The following MYO5B variants were observed in gnomAD, a reference collection of about 807,000 sequenced individuals.
The protein encoded by MYO5B is myosin VB.
A neutral mutation model predicts 229.3 loss-of-function variants in MYO5B; 143 were observed. The observed-to-expected ratio is 0.62, with a 90% CI of 0.54 to 0.72. MYO5B has a LOEUF of 0.72. Ranked by LOEUF, MYO5B falls within the 30% of genes least tolerant of loss-of-function variation. The pLI is 0.00. For missense variants in MYO5B, 2,321 were observed against 2,331.0 expected, an observed-to-expected ratio of 1.00 and a Z score of 0.09; for synonymous variants, 918 against 885.2, an observed-to-expected ratio of 1.04 and a Z score of -0.66.
chr18:50,105,511 A>C (rs971601245), intron 1 of MYO5B, among the ~76,000 whole-genome samples: 1 of 152,222 alleles, frequency 6.6e-6, no homozygotes, highest in Non-Finnish European at 1.5e-5. Context: ...AGTCTCCTTA[A>C]GTTCCGTACT....
At chr18:50,156,947 G>A (rs1434806582) in intron 1 of MYO5B, among the ~76,000 whole-genome samples, 2 of 152,120 alleles carry the variant, frequency 1.3e-5, no homozygotes, top group Non-Finnish European at 2.9e-5. Context: ...TCTTACCTGA[G>A]CCACACTGAT....
At position 49,877,923 on chromosome 18, in the gene MYO5B, T is replaced by A. The variant is rs576982256; in HGVS notation, c.3277-41A>T. ...AACGTGATAGCTCATTAGGAACTAA[T>A]GTTCATGAGAATTTACCTCCCATGG... On this transcript the variant is annotated intron_variant, in intron 24 of 39. Coordinates refer to ENST00000285039, the MANE Select transcript of MYO5B (RefSeq NM_001080467.3). 4 of 1,613,576 alleles carry A rather than the reference T, an allele frequency of 2.5e-6. No homozygotes were observed. In the South Asian group the frequency reaches 4.4e-5, roughly 18 times the overall value.
intron 39 of MYO5B, among the ~76,000 whole-genome samples, chr18:49,830,504 A>G (rs1382501686): frequency 6.6e-6 from 1 of 152,120 alleles, no homozygotes; most frequent in Non-Finnish European, 1.5e-5. Context: ...AAAATCCTAA[A>G]ATTCATATCA....
chr18:49,880,655 C>T (rs2144108196), intron 22 of MYO5B, among the ~76,000 whole-genome samples, 200 bp from the exon 23 acceptor site: 1 of 152,328 alleles, frequency 6.6e-6, no homozygotes, highest in East Asian at 1.9e-4. Context: ...GAGCTCAGCA[C>T]TATTTATGGT....
At chr18:50,081,013 T>C (rs1056052222) in intron 1 of MYO5B, among the ~76,000 whole-genome samples, 3 of 152,154 alleles carry the variant, frequency 2.0e-5, no homozygotes, top group Non-Finnish European at 2.9e-5. Context: ...AAAATATATA[T>C]ATTTTCATGC....
At chr18:50,123,119 A>G (rs1466310872) in intron 1 of MYO5B, among the ~76,000 whole-genome samples, 2 of 152,262 alleles carry the variant, frequency 1.3e-5, no homozygotes, top group Non-Finnish European at 2.9e-5. Flanking sequence ...ACAACGGACT[A>G]TGTTCTCATA....
intron 1 of MYO5B, among the ~76,000 whole-genome samples, chr18:50,117,779 C>T (rs1407534819): frequency 6.6e-6 from 1 of 152,078 alleles, no homozygotes; most frequent in Non-Finnish European, 1.5e-5. Context: ...TAAAAACATC[C>T]CTCCTCTCTC....
chr18:50,112,445 G>A (rs372544629), intron 1 of MYO5B, among the ~76,000 whole-genome samples: 1 of 152,086 alleles, frequency 6.6e-6, no homozygotes, highest in African/African-American at 2.4e-5. Flanking sequence ...GGCTCCTGCC[G>A]AGCCACCCAC....
At chr18:49,914,727 C>T (rs1259800994) in intron 17 of MYO5B, among the ~76,000 whole-genome samples, 1 of 149,808 alleles carries the variant, frequency 6.7e-6, no homozygotes, top group East Asian at 2.0e-4. Flanking sequence ...CTGCAGTGAG[C>T]CGAGATCATG....
chr18:50,062,450 T>C (rs1288105388), intron 1 of MYO5B, among the ~76,000 whole-genome samples: 1 of 152,206 alleles, frequency 6.6e-6, no homozygotes, highest in Non-Finnish European at 1.5e-5. Flanking sequence ...TCTAAACTAA[T>C]AGTTTCATTT....
intron 2 of MYO5B, among the ~76,000 whole-genome samples, 171 bp from the exon 3 acceptor site, chr18:50,040,485 C>G (rs1271470866): frequency 6.6e-6 from 1 of 152,154 alleles, no homozygotes; most frequent in Admixed American, 6.5e-5. Flanking sequence ...CATGAGAGAC[C>G]AGTCCAGATG....
rs566423978 is a variant in MYO5B, at chr18:50,021,417, C to T, written c.455+15433G>A. Among the ~76,000 whole-genome samples, 19 of 152,260 alleles carry T rather than the reference C, an allele frequency of 1.2e-4. No individual in the cohort carries two copies. In the South Asian group the frequency reaches 2.9e-3, roughly 23 times the overall value. ...CCACTCACGAACTCGGTGCCTTTGGCCATCACTCTACCTCTCAGGGCCTCA... is the reference window on the plus strand; with the variant it reads ...CCACTCACGAACTCGGTGCCTTTGGTCATCACTCTACCTCTCAGGGCCTCA... On this transcript the variant is annotated intron_variant, in intron 4 of 39. Transcript: ENST00000285039.
At position 50,113,708 on chromosome 18, in the gene MYO5B, G is replaced by A. The variant is rs182333164; in HGVS notation, c.28-58330C>T. On this transcript the variant is annotated intron_variant, in intron 1 of 39. Transcript: ENST00000285039. ...GTTAGTGTGAGGGTCTTTTCTCATG[G>A]CAGAGTCCATCAGTGAGAGCTGCTT... Among the ~76,000 whole-genome samples the A allele has an allele frequency of 1.6e-3, 245 of 152,284 alleles. 2 individuals carry two copies. The highest frequency in any genetic ancestry group is 1.6e-4 in the Non-Finnish European group (11 of 68,022).
At chr18:49,903,532 A>G (rs184783869) in intron 20 of MYO5B, among the ~76,000 whole-genome samples, 173 of 152,178 alleles carry the variant, frequency 1.1e-3, no homozygotes, top group South Asian at 2.7e-3. Flanking sequence ...AACGCCACCC[A>G]TCACCCAAGA....
chr18:50,086,127 A>G (rs1051997058), intron 1 of MYO5B, among the ~76,000 whole-genome samples: 7 of 152,196 alleles, frequency 4.6e-5, no homozygotes, highest in Non-Finnish European at 7.3e-5. Context: ...TGAAGTACAG[A>G]GTTAAAGCAG....
At chr18:50,135,673 T>C (rs377409983) in intron 1 of MYO5B, among the ~76,000 whole-genome samples, 1 of 152,172 alleles carries the variant, frequency 6.6e-6, no homozygotes, top group Non-Finnish European at 1.5e-5. Flanking sequence ...TTAAATGAAG[T>C]GGGATTGGTT....
At chr18:50,163,351 G>A (rs1209921272) in intron 1 of MYO5B, among the ~76,000 whole-genome samples, 3 of 150,658 alleles carry the variant, frequency 2.0e-5, no homozygotes, top group African/African-American at 2.4e-5. Context: ...TCTCCCAGGA[G>A]AGGGGCAAAC....
intron 14 of MYO5B, among the ~76,000 whole-genome samples, chr18:49,946,844 G>A (rs187535938): frequency 2.6e-5 from 4 of 152,082 alleles, no homozygotes; most frequent in African/African-American, 4.8e-5. Flanking sequence ...AGTATGCTTC[G>A]TATTCTATTC....
intron 4 of MYO5B, among the ~76,000 whole-genome samples, chr18:50,011,210 C>T (rs1041969969): frequency 2.0e-5 from 3 of 152,062 alleles, no homozygotes; most frequent in Non-Finnish European, 2.9e-5. Flanking sequence ...GGCGTGGTGG[C>T]GGGTGCCTGT....
Sources: allele counts gnomAD v4.1 joint callset (sites outside exome capture counted in the v4.1 genomes callset), GRCh38; gene constraint gnomAD v4.1.1; transcripts MANE v1.5; gene names NCBI Gene and HGNC (gene_info 2026-07-23, HGNC 2026-07-21).